PPARG: variants seen among roughly 807,000 people sequenced by gnomAD.
The protein encoded by PPARG is peroxisome proliferator-activated receptor gamma.
In PPARG, 17 loss-of-function variants were observed where a neutral mutation model predicts 39.2. The observed-to-expected ratio is 0.43, with a 90% CI of 0.30 to 0.65. The LOEUF is 0.65. Among genes scored for constraint, PPARG ranks in the 30% least tolerant of loss-of-function variants. The pLI, the probability that PPARG is intolerant of heterozygous loss-of-function variation, is 0.13. For missense variants in PPARG, 406 were observed against 585.9 expected, an observed-to-expected ratio of 0.69 and a Z score of 3.17; for synonymous variants, 223 against 215.7, an observed-to-expected ratio of 1.03 and a Z score of -0.30.
At chr3:12,329,166 CAAA>C (rs35196430) in intron 2 of PPARG, among the ~76,000 whole-genome samples, 20 of 125,406 alleles carry the variant, frequency 1.6e-4, no homozygotes, top group Admixed American at 3.1e-4. Flanking sequence ...ACTCAAAATG[CAAA>C]AAAAAAAAAA....
chr3:12,359,407 CATT>C (rs1575052849), intron 2 of PPARG, among the ~76,000 whole-genome samples: 1 of 152,092 alleles, frequency 6.6e-6, no homozygotes, highest in Middle Eastern at 3.4e-3. Flanking sequence ...ACAAAGAAAA[CATT>C]ATAAAAAAAT....
chr3:12,372,210 G>A (rs2049243987), intron 2 of PPARG: 1 of 714,402 alleles, frequency 1.4e-6, no homozygotes. Context: ...TGCCTGCCTG[G>A]CACATTATAG....
chr3:12,399,370 T>C (rs1299230162), intron 5 of PPARG: 2 of 456,432 alleles, frequency 4.4e-6, no homozygotes, highest in East Asian at 6.9e-5. Context: ...AGGATAGTTA[T>C]TAGATTGCCA....
chr3:12,335,403 G>A (rs2047982860), intron 2 of PPARG, among the ~76,000 whole-genome samples: 1 of 152,190 alleles, frequency 6.6e-6, no homozygotes, highest in East Asian at 1.9e-4. Flanking sequence ...GAAATAAGCA[G>A]TTTTGACCAT....
intron 2 of PPARG, among the ~76,000 whole-genome samples, chr3:12,323,793 C>T (rs903764826): frequency 6.6e-6 from 1 of 151,242 alleles, no homozygotes; most frequent in African/African-American, 2.4e-5. Context: ...TTAGAATGTT[C>T]AAGGAGAAGA....
chr3:12,373,580 A>G (rs558623604), intron 2 of PPARG, among the ~76,000 whole-genome samples: 10 of 152,186 alleles, frequency 6.6e-5, no homozygotes, highest in Admixed American at 6.5e-4. Flanking sequence ...AAGTATTGTT[A>G]TTTTTCCATC....
intron 4 of PPARG, among the ~76,000 whole-genome samples, chr3:12,391,341 A>G (rs2050070419): frequency 6.6e-6 from 1 of 152,174 alleles, no homozygotes; most frequent in South Asian, 2.1e-4. Flanking sequence ...GAAAAACTGG[A>G]GCAGAGTAAA....
At chr3:12,414,438 T>G (rs1218412503) in intron 6 of PPARG, among the ~76,000 whole-genome samples, 1 of 152,024 alleles carries the variant, frequency 6.6e-6, no homozygotes, top group African/African-American at 2.4e-5. Context: ...GCAACATACA[T>G]AGCAAGACCT....
chr3:12,287,469 G>T (rs1159015788), upstream of PPARG: 1 of 152,240 alleles, frequency 6.6e-6, no homozygotes, highest in African/African-American at 2.4e-5. Flanking sequence ...CTTTTAAAAT[G>T]TCACTGGAAA....
chr3:12,343,188 C>T (rs540197208), intron 2 of PPARG, among the ~76,000 whole-genome samples: 1 of 152,320 alleles, frequency 6.6e-6, no homozygotes, highest in East Asian at 1.9e-4. Context: ...AAACGTCCCA[C>T]AGGTGCCCAA....
intron 2 of PPARG, among the ~76,000 whole-genome samples, chr3:12,361,959 GA>G (rs1559507819): frequency 6.6e-6 from 1 of 152,130 alleles, no homozygotes; most frequent in Non-Finnish European, 1.5e-5. Flanking sequence ...CCATGAACAT[GA>G]ACTATCCTTT....
chr3:12,337,536 T>C (rs2048048512), intron 2 of PPARG, among the ~76,000 whole-genome samples: 1 of 152,094 alleles, frequency 6.6e-6, no homozygotes, highest in East Asian at 1.9e-4. Flanking sequence ...TCAAAGAAAA[T>C]CTTAGAAGCC....
chr3:12,287,705 C>G (rs1032013975), upstream of PPARG: 1 of 150,928 alleles, frequency 6.6e-6, no homozygotes, highest in Non-Finnish European at 1.5e-5. Context: ...AGAGTGGACG[C>G]GGGAAAGCCG....
chr3:12,319,647 A>C (rs1184784368), intron 2 of PPARG, among the ~76,000 whole-genome samples: 3 of 152,116 alleles, frequency 2.0e-5, no homozygotes, highest in Non-Finnish European at 4.4e-5. Flanking sequence ...TCCTATTACT[A>C]TAGAGATATT....
chr3:12,300,792 A>T (rs931360067), intron 1 of PPARG, among the ~76,000 whole-genome samples: 1 of 152,158 alleles, frequency 6.6e-6, no homozygotes, highest in African/African-American at 2.4e-5. Flanking sequence ...ACCAAGCAAA[A>T]TTGTTAGTTC....
chr3:12,382,504 A>G (rs2125180740), intron 4 of PPARG, among the ~76,000 whole-genome samples: 1 of 152,348 alleles, frequency 6.6e-6, no homozygotes, highest in South Asian at 2.1e-4. Context: ...TTCAACGTAA[A>G]GATACAGAAC....
rs572171525 is a variant in PPARG at position 12,296,922 on chromosome 3, GT to G, written c.-83+7796del. Reference sequence around the variant, plus strand: ...CCCTTCCTAGTGATTGTTGATAATAGTTTTTTTTATTTTAAAATTCTATAAT... The same window carrying G: ...CCCTTCCTAGTGATTGTTGATAATAGTTTTTTTATTTTAAAATTCTATAAT... On this transcript the variant is annotated intron_variant, in intron 1 of 7. Transcript: ENST00000651735. 3.9e-3 allele frequency among the ~76,000 whole-genome samples: 587 copies of G among 152,092 alleles called. 5 individuals are homozygous for G. Among genetic ancestry groups the G allele is most frequent in the African/African-American group, 0.013 (556 of 41,492 alleles).
chr3:12,417,138 C>A lies in PPARG; in HGVS notation c.1164C>A (p.Val388=). Reference sequence around the variant, plus strand: ...GCGACTTGGCAATATTTATTGCTGTCATTATTCTCAGTGGAGGTAAGATTT... The same window carrying A: ...GCGACTTGGCAATATTTATTGCTGTAATTATTCTCAGTGGAGGTAAGATTT... ...DDSDLAIFIA[V]IILSGDRPGL... The change falls in exon 7 of 8, where the codon GTC becomes GTA. Residue 388 remains valine (V), a synonymous_variant. Coordinates refer to ENST00000651735, the MANE Select transcript of PPARG (RefSeq NM_138711.6). 2 of 1,613,842 alleles carry A rather than the reference C, an allele frequency of 1.2e-6. No homozygotes were observed. Among genetic ancestry groups the A allele is most frequent in the South Asian group, 2.2e-5 (2 of 91,024 alleles).
chr3:12,350,229 C>T (rs2048439923), intron 2 of PPARG, among the ~76,000 whole-genome samples: 2 of 152,080 alleles, frequency 1.3e-5, no homozygotes, highest in Non-Finnish European at 2.9e-5. Context: ...ATTAGCAAAC[C>T]CAAGTTTTGC....
Sources: gnomAD v4.1 joint callset for allele counts (sites outside exome capture counted in the v4.1 genomes callset) on GRCh38, gnomAD v4.1.1 for gene constraint, MANE v1.5 for transcripts, NCBI Gene and HGNC (gene_info 2026-07-23, HGNC 2026-07-21) for gene names.